DCAF8L2: variants seen among roughly 807,000 people sequenced by gnomAD.
DCAF8L2 encodes the protein DDB1 and CUL4 associated factor 8 like 2, also known as DDB1- and CUL4-associated factor 8-like protein 2.
For synonymous variants in DCAF8L2, 200 were observed against 190.9 expected, an observed-to-expected ratio of 1.05 and a Z score of -0.39; for missense variants, 430 against 490.7, an observed-to-expected ratio of 0.88 and a Z score of 1.17.
chrX:27,742,953 A>G (rs1921939998), intron 4 of DCAF8L2, among the ~76,000 whole-genome samples: 1 of 112,488 alleles, frequency 8.9e-6, no homozygotes, highest in African/African-American at 3.2e-5. Flanking sequence ...ATAAAACAGT[A>G]AAACTAAAAG....
At chrX:27,649,591 G>A (rs1208869298) in intron 2 of DCAF8L2, among the ~76,000 whole-genome samples, 1 of 111,551 alleles carries the variant, frequency 9.0e-6, no homozygotes, top group East Asian at 2.8e-4. Flanking sequence ...TATGCTTGTT[G>A]GCCACATGTA....
intron 1 of DCAF8L2, among the ~76,000 whole-genome samples, chrX:27,592,659 G>A (rs924913863): frequency 9.1e-6 from 1 of 110,066 alleles, no homozygotes; most frequent in African/African-American, 3.3e-5. Context: ...GTATGGTCTC[G>A]ATCTCCTGAC....
intron 1 of DCAF8L2, among the ~76,000 whole-genome samples, chrX:27,609,616 C>A (rs749439990): frequency 3.6e-5 from 4 of 111,693 alleles, no homozygotes; most frequent in Non-Finnish European, 7.5e-5. Context: ...TGTTCCCATT[C>A]TCAGGTCACT....
intron 4 of DCAF8L2, among the ~76,000 whole-genome samples, chrX:27,738,833 G>T (rs1921685394): frequency 9.0e-6 from 1 of 111,479 alleles, no homozygotes; most frequent in Non-Finnish European, 1.9e-5. Context: ...ATTCATAGTT[G>T]ATTTCCTTGC....
intron 2 of DCAF8L2, among the ~76,000 whole-genome samples, chrX:27,645,629 T>C (rs1003658098): frequency 2.7e-5 from 3 of 111,868 alleles, no homozygotes; most frequent in African/African-American, 9.8e-5. Flanking sequence ...AATCAAATTG[T>C]CTTTGTTTGC....
chrX:27,570,651 G>A, the DCAF8L2 span, among the ~76,000 whole-genome samples: 1 of 111,709 alleles, frequency 9.0e-6, no homozygotes, highest in Non-Finnish European at 1.9e-5. Context: ...GGCAAGGGAA[G>A]CCTCTGCAGC....
rs762252069 is a variant in DCAF8L2, at chrX:27,631,051, G to A, written c.-341-828G>A. ...TGGGGAGTGGAGGACACAAACATTC[G>A]TCTATTGCATCATCCTTGGGGTTAC... is the stretch of plus-strand genomic sequence containing the variant. On this transcript the variant is annotated intron_variant, in intron 1 of 4. Coordinates refer to ENST00000451261, the MANE Select transcript of DCAF8L2 (RefSeq NM_001353450.2). Among the ~76,000 whole-genome samples, 97 of 111,653 alleles carry A rather than the reference G, an allele frequency of 8.7e-4. 1 individual carries two copies. Among genetic ancestry groups the A allele is most frequent in the Middle Eastern group, 9.2e-3 (2 of 217 alleles).
At chrX:27,749,942 ATATGTGT>A (rs1338188303), downstream of DCAF8L2, among the ~76,000 whole-genome samples, 2 of 111,618 alleles carry the variant, frequency 1.8e-5, no homozygotes, top group East Asian at 5.6e-4. Flanking sequence ...TTTTTATTTT[ATATGTGT>A]TATTTGTGTG....
chrX:27,738,672 T>C (rs1023229305), intron 4 of DCAF8L2, among the ~76,000 whole-genome samples: 1 of 111,893 alleles, frequency 8.9e-6, no homozygotes, highest in African/African-American at 3.2e-5. Flanking sequence ...GCTGTCTCAC[T>C]TTATGTTTGT....
the DCAF8L2 span, among the ~76,000 whole-genome samples, chrX:27,500,374 A>T: frequency 4.6e-4 from 52 of 112,131 alleles, no homozygotes; most frequent in South Asian, 3.7e-4. Context: ...TGTTTCATTT[A>T]TTGAGAGAAA....
At chrX:27,688,168 A>G (rs1403942821) in intron 3 of DCAF8L2, among the ~76,000 whole-genome samples, 3 of 112,052 alleles carry the variant, frequency 2.7e-5, no homozygotes, top group African/African-American at 6.5e-5. Context: ...AAACTGGTTA[A>G]TTATCTAATT....
intron 1 of DCAF8L2, among the ~76,000 whole-genome samples, chrX:27,611,407 A>T (rs1326913231): frequency 9.1e-6 from 1 of 109,552 alleles, no homozygotes; most frequent in Non-Finnish European, 1.9e-5. Context: ...CAGGCAACCT[A>T]CAGAACGGGA....
the DCAF8L2 span, among the ~76,000 whole-genome samples, chrX:27,566,030 T>A: frequency 9.0e-6 from 1 of 110,597 alleles, no homozygotes; most frequent in Admixed American, 9.7e-5. Context: ...TGTGCATGTG[T>A]TAGGAGATGG....
chrX:27,570,324 T>C, the DCAF8L2 span, among the ~76,000 whole-genome samples: 1 of 111,544 alleles, frequency 9.0e-6, no homozygotes, highest in African/African-American at 3.3e-5. Context: ...AAATAGGATG[T>C]GAACTAAGAT....
intron 3 of DCAF8L2, among the ~76,000 whole-genome samples, chrX:27,680,920 G>A (rs918450600): frequency 8.9e-6 from 1 of 112,087 alleles, no homozygotes; most frequent in Non-Finnish European, 1.9e-5. Flanking sequence ...CTGCATTCTT[G>A]TTCACTTAGT....
chrX:27,517,982 GT>G, the DCAF8L2 span: 1 of 1,173,673 alleles, frequency 8.5e-7, no homozygotes, highest in Non-Finnish European at 1.2e-6. Context: ...GACAGCAAAG[GT>G]TATCCTACAT....
upstream of DCAF8L2, among the ~76,000 whole-genome samples, chrX:27,587,985 A>AATATATATATATATAT (rs202098791): frequency 4.5e-4 from 10 of 22,334 alleles, no homozygotes; most frequent in African/African-American, 8.9e-4. Context: ...TAAAAAAAAA[A>AATATATATATATATAT]ATATATATAT....
intron 2 of DCAF8L2, among the ~76,000 whole-genome samples, chrX:27,660,044 CAG>C (rs1198641440): frequency 9.0e-6 from 1 of 111,346 alleles, no homozygotes; most frequent in African/African-American, 3.3e-5. Flanking sequence ...TGTTTTGATA[CAG>C]AGTTTCGCTC....
At chrX:27,630,138 C>T (rs1220789928) in intron 1 of DCAF8L2, among the ~76,000 whole-genome samples, 1 of 111,525 alleles carries the variant, frequency 9.0e-6, no homozygotes, top group Non-Finnish European at 1.9e-5. Flanking sequence ...GCTGATTTTT[C>T]TCTGTTGATT....
Sources: allele counts gnomAD v4.1 joint callset (sites outside exome capture counted in the v4.1 genomes callset), GRCh38; gene constraint gnomAD v4.1.1; transcripts MANE v1.5; gene names NCBI Gene and HGNC (gene_info 2026-07-23, HGNC 2026-07-21).